The following SCLT1 variants were observed in gnomAD, a reference collection of about 807,000 sequenced individuals.
SCLT1 encodes the protein sodium channel-associated protein 1.
Under a neutral mutation model 112.8 loss-of-function variants are expected in SCLT1, and 78 were observed. That is an observed-to-expected ratio of 0.69 (90% CI 0.58 to 0.83). The LOEUF (loss-of-function observed/expected upper bound fraction) is 0.83, where lower values mean the gene tolerates loss of function less well. Among genes scored for constraint, SCLT1 ranks in the 40% least tolerant of loss-of-function variants. SCLT1 has a pLI of 0.00. For synonymous variants in SCLT1, 257 were observed against 254.7 expected (o/e 1.01, Z -0.09); for missense variants, 747 against 770.4 (o/e 0.97, Z 0.36).
At chr4:128,909,211 CA>C (rs1324739238) in intron 18 of SCLT1, among the ~76,000 whole-genome samples, 1 of 152,160 alleles carries the variant, frequency 6.6e-6, no homozygotes, top group African/African-American at 2.4e-5. Flanking sequence ...CTACCACCCT[CA>C]GATATCCAAC....
intron 18 of SCLT1, among the ~76,000 whole-genome samples, chr4:128,910,326 T>C (rs1277350604): frequency 6.6e-6 from 1 of 152,242 alleles, no homozygotes; most frequent in Non-Finnish European, 1.5e-5. Context: ...TTGCTTAAAT[T>C]TGCATCTCTT....
intron 5 of SCLT1, among the ~76,000 whole-genome samples, chr4:129,031,671 C>A (rs1303924203): frequency 6.6e-6 from 1 of 152,006 alleles, no homozygotes; most frequent in Non-Finnish European, 1.5e-5. Context: ...CAACAATAGA[C>A]AAGCAGAGAG....
intron 18 of SCLT1, among the ~76,000 whole-genome samples, chr4:128,931,299 G>A (rs573258110): frequency 6.6e-6 from 1 of 152,118 alleles, no homozygotes; most frequent in Non-Finnish European, 1.5e-5. Context: ...AATAATCTCT[G>A]TGGGAATAGT....
intron 5 of SCLT1, among the ~76,000 whole-genome samples, chr4:129,011,532 G>A (rs1744520488): frequency 6.6e-6 from 1 of 151,886 alleles, no homozygotes; most frequent in African/African-American, 2.4e-5. Flanking sequence ...GTTTGAAGTT[G>A]GGCAGTGTGA....
chr4:129,078,063 T>G (rs991398689), intron 2 of SCLT1, among the ~76,000 whole-genome samples: 5 of 152,214 alleles, frequency 3.3e-5, no homozygotes, highest in East Asian at 1.9e-4. Context: ...AGTAACAGTA[T>G]GTTACCACTA....
chr4:128,877,219 T>A (rs1182336520), intron 3 of SCLT1, among the ~76,000 whole-genome samples: 2 of 152,168 alleles, frequency 1.3e-5, no homozygotes, highest in Non-Finnish European at 2.9e-5. Context: ...ATTAGTTTAA[T>A]CCTTATAACG....
chr4:128,912,106 T>C (rs1201495009), intron 18 of SCLT1, among the ~76,000 whole-genome samples: 1 of 152,170 alleles, frequency 6.6e-6, no homozygotes, highest in Non-Finnish European at 1.5e-5. Flanking sequence ...TATAATGCTG[T>C]GGTATATATA....
chr4:128,952,726 ATAAG>A, intron 14 of SCLT1, 39 bp downstream of exon 14: 1 of 1,065,992 alleles, frequency 9.4e-7, no homozygotes, highest in Non-Finnish European at 1.5e-6. Context: ...GGCCTTTAAA[ATAAG>A]TAATATTTGG....
At chr4:129,032,316 T>A (rs1307832193) in intron 5 of SCLT1, among the ~76,000 whole-genome samples, 4 of 152,074 alleles carry the variant, frequency 2.6e-5, no homozygotes, top group African/African-American at 9.7e-5. Context: ...ACCCCTTCCT[T>A]ACACCTTATA....
At position 128,911,247 on chromosome 4, in the gene SCLT1, T is replaced by C. The variant is rs141145382; in HGVS notation, c.1830-20110A>G. Among the ~76,000 whole-genome samples, 284 of 152,196 alleles carry C rather than the reference T, an allele frequency of 1.9e-3. 2 individuals carry two copies. Among genetic ancestry groups the C allele is most frequent in the African/African-American group, 6.7e-3 (278 of 41,542 alleles). On this transcript the variant is annotated intron_variant, in intron 18 of 20. Transcript: ENST00000281142. ...TGCCATTGCACTCTAGCCTGGGCAA[T>C]AAGAATGAAACTCCGTCTCAAAAAA...
chr4:128,895,381 T>C (rs1410162609), intron 18 of SCLT1, among the ~76,000 whole-genome samples: 2 of 152,230 alleles, frequency 1.3e-5, no homozygotes, highest in African/African-American at 4.8e-5. Flanking sequence ...GTAATTTATC[T>C]TTCCAACCTT....
At chr4:129,070,581 A>G (rs571298146) in intron 2 of SCLT1, among the ~76,000 whole-genome samples, 1 of 152,106 alleles carries the variant, frequency 6.6e-6, no homozygotes, top group South Asian at 2.1e-4. Flanking sequence ...GATCTTTTGT[A>G]TTTCAGTGGT....
chr4:129,079,837 A>C (rs1408202286), intron 2 of SCLT1, among the ~76,000 whole-genome samples: 1 of 152,242 alleles, frequency 6.6e-6, no homozygotes. Flanking sequence ...CTGTGTGGAC[A>C]TCCAGGCATT....
rs561837650 is a variant in SCLT1, at chr4:129,016,495, T to C, written c.291-12619A>G. Among the ~76,000 whole-genome samples, 254 of 152,366 alleles carry C rather than the reference T, an allele frequency of 1.7e-3. 1 individual carries two copies. Among genetic ancestry groups the C allele is most frequent in the Middle Eastern group, 3.4e-3 (1 of 294 alleles). On this transcript the variant is annotated intron_variant, in intron 5 of 20. Transcript: ENST00000281142. Reference sequence around the variant, plus strand: ...TGTTTTTACTGCCTATTATTTCTAATGATTCTTTTAAAATGTTACCATGTT... The same window carrying C: ...TGTTTTTACTGCCTATTATTTCTAACGATTCTTTTAAAATGTTACCATGTT...
chr4:128,943,056 C>T lies in SCLT1; in HGVS notation c.1572G>A (p.Arg524=). 1.9e-6 allele frequency: 3 copies of T among 1,613,268 alleles called. No homozygotes were observed. The highest frequency in any genetic ancestry group is 2.5e-6 in the Non-Finnish European group (3 of 1,179,492). The part of the protein sequence containing the change: ...LKLQQENKQL[R]KETESLRKIA... The stretch of plus-strand genomic sequence containing the variant: ...TCTTCCTTAAACTCTCAGTCTCTTT[C>T]CGTAACTGTTTATTTTCTTGCTGAA... Residue 524 remains arginine (R), a synonymous_variant, in exon 17 of 21, where the codon CGG becomes CGA. Transcript: ENST00000281142.
chr4:129,055,112 A>T (rs899621848), intron 2 of SCLT1, among the ~76,000 whole-genome samples: 2 of 152,214 alleles, frequency 1.3e-5, no homozygotes, highest in Non-Finnish European at 2.9e-5. Context: ...AACAGCAAAG[A>T]TGGCTGCCTG....
intron 2 of SCLT1, among the ~76,000 whole-genome samples, chr4:129,047,446 G>T (rs1346604196): frequency 6.6e-6 from 1 of 152,020 alleles, no homozygotes; most frequent in Non-Finnish European, 1.5e-5. Flanking sequence ...TTAAGACCTG[G>T]TAGTATCTGT....
At chr4:129,052,065 A>G (rs1406610081) in intron 2 of SCLT1, among the ~76,000 whole-genome samples, 2 of 152,136 alleles carry the variant, frequency 1.3e-5, no homozygotes, top group Non-Finnish European at 2.9e-5. Context: ...CCTTGCATCC[A>G]AGGGATGAAG....
At position 128,890,803 on chromosome 4, in the gene SCLT1, T is replaced by A. The variant is rs1733249390; in HGVS notation, c.1908+256A>T. Reference sequence around the variant, plus strand: ...TAAGAATAAAGGGGATCCTAATACGTTCTCTGAAATACTACACAAGTTCTA... The same window carrying A: ...TAAGAATAAAGGGGATCCTAATACGATCTCTGAAATACTACACAAGTTCTA... On this transcript the variant is annotated intron_variant, in intron 19 of 20. Transcript: ENST00000281142. 2.0e-5 allele frequency among the ~76,000 whole-genome samples: 3 copies of A among 152,190 alleles called. No individual in the cohort carries two copies. In the South Asian group the frequency reaches 6.2e-4, roughly 31 times the overall value.
Sources: allele counts gnomAD v4.1 joint callset (sites outside exome capture counted in the v4.1 genomes callset), GRCh38; gene constraint gnomAD v4.1.1; transcripts MANE v1.5; gene names NCBI Gene and HGNC (gene_info 2026-07-23, HGNC 2026-07-21).